Variants in CCDC146 observed in about 807,000 individuals in gnomAD.
CCDC146 encodes coiled-coil domain-containing protein 146.
Under a neutral mutation model 119.3 loss-of-function variants are expected in CCDC146, and 92 were observed. That is an observed-to-expected ratio of 0.77 (90% CI 0.65 to 0.92). CCDC146 has a LOEUF of 0.92. CCDC146 is among the 40% of genes least tolerant of loss of function. The pLI, the probability that CCDC146 is intolerant of heterozygous loss-of-function variation, is 0.00. For missense variants in CCDC146, 1,000 were observed against 1,103.0 expected, an observed-to-expected ratio of 0.91 and a Z score of 1.32; for synonymous variants, 372 against 371.8, an observed-to-expected ratio of 1.00 and a Z score of -0.01.
At chr7:77,240,548 C>T (rs764830752) in intron 3 of CCDC146, among the ~76,000 whole-genome samples, 1 of 152,042 alleles carries the variant, frequency 6.6e-6, no homozygotes, top group Admixed American at 6.6e-5. Flanking sequence ...ACTTGTGATA[C>T]CTAATACAAT....
chr7:77,125,926 G>A (rs756949060), intron 1 of CCDC146, among the ~76,000 whole-genome samples: 6 of 152,120 alleles, frequency 3.9e-5, no homozygotes, highest in Non-Finnish European at 8.8e-5. Context: ...ACTGCAAATA[G>A]ACAGTTTTAT....
At chr7:77,215,037 C>T (rs186394452) in intron 2 of CCDC146, among the ~76,000 whole-genome samples, 387 of 152,108 alleles carry the variant, frequency 2.5e-3, no homozygotes, top group African/African-American at 9.0e-3. Flanking sequence ...TTATTAGAAT[C>T]CTTCTAAAAA....
At chr7:77,221,703 A>G (rs1792406645) in intron 2 of CCDC146, among the ~76,000 whole-genome samples, 2 of 152,210 alleles carry the variant, frequency 1.3e-5, no homozygotes, top group Admixed American at 6.5e-5. Context: ...ATGGACAGAC[A>G]TATGAGCATG....
intron 1 of CCDC146, among the ~76,000 whole-genome samples, chr7:77,132,683 G>C (rs998697403): frequency 1.3e-5 from 2 of 152,028 alleles, no homozygotes; most frequent in African/African-American, 4.8e-5. Flanking sequence ...GCTGCAGTGA[G>C]CTATGATTGT....
At position 77,287,437 on chromosome 7, in the gene CCDC146, T is replaced by G. The variant is rs770307111; in HGVS notation, c.2278-3T>G. 9.3e-6 allele frequency: 15 copies of G among 1,613,750 alleles called. No homozygotes were observed. The highest frequency in any genetic ancestry group is 1.7e-4 in the Middle Eastern group (1 of 6,042). On this transcript the variant is annotated splice_region_variant and splice_polypyrimidine_tract_variant and intron_variant, in intron 16 of 18. Transcript: ENST00000285871. ...TTCCTCTTGAACCAATTTTCAAACATAGCTGGAACTACAACTGGCCAAGAA... is the reference window on the plus strand; with the variant it reads ...TTCCTCTTGAACCAATTTTCAAACAGAGCTGGAACTACAACTGGCCAAGAA...
intron 2 of CCDC146, among the ~76,000 whole-genome samples, chr7:77,221,469 G>C (rs1364672630): frequency 6.6e-6 from 1 of 152,072 alleles, no homozygotes; most frequent in African/African-American, 2.4e-5. Context: ...TAATCTGCTG[G>C]TGTTAGTTCT....
rs140693664 is a variant in CCDC146 at position 77,280,598 on chromosome 7, G to A, written c.1864G>A (p.Glu622Lys). 56 of 1,614,074 alleles carry A rather than the reference G, an allele frequency of 3.5e-5. No homozygotes were observed. In the Admixed American group the frequency reaches 4.5e-4, roughly 13 times the overall value. ...CAACACGATCACAATGATCGAAGAGGAGATGGTGCAGCTTCGCAAAAGATA... is the reference window on the plus strand; with the variant it reads ...CAACACGATCACAATGATCGAAGAGAAGATGGTGCAGCTTCGCAAAAGATA... The part of the protein sequence containing the change: ...LANTITMIEE[E>K]MVQLRKRYEK... Residue 622 changes from glutamate to lysine, a missense_variant, in exon 14 of 19, where the codon GAG (glutamate) becomes AAG (lysine). Glu to Lys is a moderately conservative substitution (Grantham distance 56). This residue lies in a region of CCDC146 where 985 missense variants were observed against 1,045.3 expected (regional missense o/e 0.94). Transcript: ENST00000285871.
intron 11 of CCDC146, among the ~76,000 whole-genome samples, chr7:77,276,541 G>T (rs1008676414): frequency 3.0e-4 from 45 of 152,200 alleles, no homozygotes; most frequent in African/African-American, 1.1e-3. Flanking sequence ...ATGTCAAATA[G>T]TGAGACCAGA....
intron 1 of CCDC146, among the ~76,000 whole-genome samples, chr7:77,160,230 T>C (rs1418700511): frequency 6.6e-6 from 1 of 152,220 alleles, no homozygotes; most frequent in Non-Finnish European, 1.5e-5. Flanking sequence ...TCTTTGGGCT[T>C]AGGATTGACT....
At chr7:77,209,339 C>T (rs1449843407) in intron 2 of CCDC146, among the ~76,000 whole-genome samples, 1 of 152,226 alleles carries the variant, frequency 6.6e-6, no homozygotes, top group Non-Finnish European at 1.5e-5. Flanking sequence ...CATTTTAAAG[C>T]TCCAAAAGAA....
chr7:77,241,150 T>C (rs562484987), intron 3 of CCDC146, among the ~76,000 whole-genome samples: 32 of 150,468 alleles, frequency 2.1e-4, no homozygotes, highest in African/African-American at 4.6e-4. Flanking sequence ...CTCCGCCTCC[T>C]GGGTTCACGC....
chr7:77,207,349 T>G (rs1165833589), intron 2 of CCDC146, among the ~76,000 whole-genome samples: 1 of 152,198 alleles, frequency 6.6e-6, no homozygotes, highest in Non-Finnish European at 1.5e-5. Flanking sequence ...ATGATTATTA[T>G]CAACAGATGT....
intron 5 of CCDC146, among the ~76,000 whole-genome samples, chr7:77,255,800 G>T (rs1287584127): frequency 6.6e-6 from 1 of 152,192 alleles, no homozygotes; most frequent in Non-Finnish European, 1.5e-5. Context: ...GGTATTTGGG[G>T]AGGATGTGCA....
chr7:77,168,654 A>G (rs1276806856), intron 2 of CCDC146, among the ~76,000 whole-genome samples: 1 of 152,110 alleles, frequency 6.6e-6, no homozygotes, highest in Non-Finnish European at 1.5e-5. Flanking sequence ...TAAATTGCTA[A>G]ATTGTTCACT....
rs1191456444 is a variant in CCDC146, at chr7:77,180,246, T to C, written c.156+12422T>C. On this transcript the variant is annotated intron_variant, in intron 2 of 18. Transcript: ENST00000285871. The stretch of plus-strand genomic sequence containing the variant: ...TACCATATATATGCACCCATATGTA[T>C]GTACCATATATATGCACCACCATAC... Among the ~76,000 whole-genome samples, 5 of 147,424 alleles carry C rather than the reference T, an allele frequency of 3.4e-5. No homozygotes were observed. In the East Asian group the frequency reaches 9.8e-4, roughly 29 times the overall value.
At chr7:77,290,013 C>T (rs1793915780) in intron 17 of CCDC146, among the ~76,000 whole-genome samples, 1 of 152,122 alleles carries the variant, frequency 6.6e-6, no homozygotes, top group African/African-American at 2.4e-5. Context: ...CAATGATAGA[C>T]TGGATTAAGC....
intron 4 of CCDC146, among the ~76,000 whole-genome samples, chr7:77,253,502 C>T (rs1793118351): frequency 2.6e-5 from 4 of 152,218 alleles, no homozygotes; most frequent in Middle Eastern, 3.4e-3. Flanking sequence ...TATGCATGCC[C>T]GTATCTCATT....
chr7:77,284,401 T>C (rs576992755), intron 15 of CCDC146, among the ~76,000 whole-genome samples: 1 of 151,916 alleles, frequency 6.6e-6, no homozygotes, highest in African/African-American at 2.4e-5. Flanking sequence ...CCCCAGGAAC[T>C]CCATGCTTGC....
At chr7:77,150,784 C>G (rs1253370978) in intron 1 of CCDC146, among the ~76,000 whole-genome samples, 2 of 152,076 alleles carry the variant, frequency 1.3e-5, no homozygotes, top group Non-Finnish European at 2.9e-5. Context: ...TTCATAGTAG[C>G]TAACAAACTG....
Sources: gnomAD v4.1 joint callset for allele counts (sites outside exome capture counted in the v4.1 genomes callset) on GRCh38, gnomAD v4.1.1 for gene constraint, gnomAD v4.1.1 regional missense constraint, MANE v1.5 for transcripts, NCBI Gene and HGNC (gene_info 2026-07-23, HGNC 2026-07-21) for gene names.